LRP1B: variants seen among roughly 807,000 people sequenced by gnomAD.
LRP1B encodes LDL receptor related protein 1B.
In LRP1B, 217 loss-of-function variants were observed where a neutral mutation model predicts 556.6. The ratio of observed to expected loss-of-function variants is 0.39; its 90% CI spans 0.35 to 0.44. The LOEUF (loss-of-function observed/expected upper bound fraction) is 0.44, where lower values mean the gene tolerates loss of function less well. LRP1B is among the 20% of genes least tolerant of loss of function. LRP1B has a pLI of 1.00. For synonymous variants in LRP1B, 2,047 were observed against 1,865.8 expected (o/e 1.10, Z -2.50); for missense variants, 5,053 against 5,620.8 (o/e 0.90, Z 3.23).
Position 140,571,197 on chromosome 2 carries a change from A to T in LRP1B, c.7194+27434T>A, listed in dbSNP as rs185808308. The stretch of plus-strand genomic sequence containing the variant: ...AACAGAAAGAAATAAAAGGCATCAA[A>T]ATTGGAAACGGGAATGTCAGAGTGT... On this transcript the variant is annotated intron_variant, in intron 43 of 90. Transcript: ENST00000389484. 2.9e-3 allele frequency among the ~76,000 whole-genome samples: 443 copies of T among 151,936 alleles called. 3 individuals are homozygous for T. The highest frequency in any genetic ancestry group is 6.8e-3 in the Middle Eastern group (2 of 294).
At chr2:140,634,675 T>C (rs1413298387) in intron 41 of LRP1B, among the ~76,000 whole-genome samples, 1 of 152,052 alleles carries the variant, frequency 6.6e-6, no homozygotes, top group Non-Finnish European at 1.5e-5. Context: ...AAATGGCACT[T>C]CCTCTCAATT....
chr2:141,756,577 A>ACC (rs1003515541), intron 2 of LRP1B, among the ~76,000 whole-genome samples: 1 of 141,916 alleles, frequency 7.0e-6, no homozygotes, highest in African/African-American at 2.5e-5. Context: ...ACACACACAC[A>ACC]CACACAATCT....
At chr2:141,609,256 C>G (rs142297497) in intron 2 of LRP1B, among the ~76,000 whole-genome samples, 2 of 152,116 alleles carry the variant, frequency 1.3e-5, no homozygotes, top group Admixed American at 1.3e-4. Flanking sequence ...AACACTATTA[C>G]GTAGTGTTTC....
chr2:141,757,469 G>A (rs1694364358), intron 2 of LRP1B, among the ~76,000 whole-genome samples: 1 of 152,042 alleles, frequency 6.6e-6, no homozygotes, highest in Admixed American at 6.5e-5. Flanking sequence ...CAAAATGAGA[G>A]GAAGAAATAA....
chr2:141,305,805 T>C (rs148485242), intron 3 of LRP1B, among the ~76,000 whole-genome samples: 2 of 152,310 alleles, frequency 1.3e-5, no homozygotes, highest in East Asian at 3.9e-4. Context: ...TGAAGAAATC[T>C]TGAATTTTAT....
intron 32 of LRP1B, among the ~76,000 whole-genome samples, chr2:140,813,367 G>A (rs937750354): frequency 1.3e-5 from 2 of 152,120 alleles, no homozygotes; most frequent in African/African-American, 4.8e-5. Context: ...TTAGAGGACT[G>A]GAGTAGAACA....
chr2:141,847,292 A>G (rs1697687277), intron 1 of LRP1B, among the ~76,000 whole-genome samples: 1 of 151,458 alleles, frequency 6.6e-6, no homozygotes, highest in African/African-American at 2.4e-5. Context: ...AATGAACTTA[A>G]AAGAAGTGCT....
rs573601397 is a variant in LRP1B, at chr2:141,942,929, G to A, written c.83-132528C>T. Among the ~76,000 whole-genome samples, 3 of 152,308 alleles carry A rather than the reference G, an allele frequency of 2.0e-5. No homozygotes were observed. In the South Asian group the frequency reaches 6.2e-4, roughly 32 times the overall value. ...GGTTTTTGGTATTGTTCTACTGAAAGATGTCTTAGAATTGCTCTTTAACCA... is the reference window on the plus strand; with the variant it reads ...GGTTTTTGGTATTGTTCTACTGAAAAATGTCTTAGAATTGCTCTTTAACCA... On this transcript the variant is annotated intron_variant, in intron 1 of 90. Transcript: ENST00000389484.
chr2:141,218,447 T>A lies in LRP1B; in HGVS notation c.850+10736A>T, dbSNP rs1237570880. Among the ~76,000 whole-genome samples, 3 of 152,186 alleles carry A rather than the reference T, an allele frequency of 2.0e-5. No homozygotes were observed. The East Asian group carries it at 5.8e-4, about 29-fold the overall frequency. ...GGTATGTATACCCAATAGAACACTATGTAGCCATAAAAGGATGAAATCATG... is the reference window on the plus strand; with the variant it reads ...GGTATGTATACCCAATAGAACACTAAGTAGCCATAAAAGGATGAAATCATG... On this transcript the variant is annotated intron_variant, in intron 6 of 90. Transcript: ENST00000389484.
At chr2:141,238,006 A>G (rs1683721864) in intron 5 of LRP1B, among the ~76,000 whole-genome samples, 1 of 152,192 alleles carries the variant, frequency 6.6e-6, no homozygotes, top group South Asian at 2.1e-4. Flanking sequence ...TTCAATAAGT[A>G]CAATGAAATA....
At chr2:140,831,161 C>G (rs923123453) in intron 31 of LRP1B, among the ~76,000 whole-genome samples, 2 of 151,974 alleles carry the variant, frequency 1.3e-5, no homozygotes, top group African/African-American at 4.8e-5. Flanking sequence ...TATGCAATCT[C>G]TATCAAGAAA....
At chr2:141,912,132 C>A (rs971917519) in intron 1 of LRP1B, among the ~76,000 whole-genome samples, 1 of 152,256 alleles carries the variant, frequency 6.6e-6, no homozygotes, top group Admixed American at 6.5e-5. Flanking sequence ...TCACATATGG[C>A]AGAGTTTTAT....
intron 12 of LRP1B, among the ~76,000 whole-genome samples, chr2:141,016,428 G>T (rs1457081401): frequency 6.6e-6 from 1 of 151,902 alleles, no homozygotes; most frequent in Non-Finnish European, 1.5e-5. Context: ...TGTTCTAAAG[G>T]GCACTGTCAT....
At chr2:141,421,426 G>A (rs1199261640) in intron 3 of LRP1B, among the ~76,000 whole-genome samples, 1 of 150,512 alleles carries the variant, frequency 6.6e-6, no homozygotes, top group Non-Finnish European at 1.5e-5. Context: ...CTACTTGGGA[G>A]GCTGAGGCAG....
chr2:141,794,845 A>T (rs1695748674), intron 2 of LRP1B, among the ~76,000 whole-genome samples: 1 of 152,082 alleles, frequency 6.6e-6, no homozygotes, highest in African/African-American at 2.4e-5. Flanking sequence ...ATGTCATCAG[A>T]TTGTTTTTAA....
At chr2:141,939,155 A>C (rs577268167) in intron 1 of LRP1B, among the ~76,000 whole-genome samples, 8,867 of 152,060 alleles carry the variant, frequency 0.058, 851 homozygotes, top group African/African-American at 0.2. Flanking sequence ...ACAAAAAAAA[A>C]CTATGTGAGG....
chr2:141,962,118 C>T (rs1439388548), intron 1 of LRP1B, among the ~76,000 whole-genome samples: 1 of 151,668 alleles, frequency 6.6e-6, no homozygotes, highest in South Asian at 2.1e-4. Context: ...ATGACAATTT[C>T]ATATGGTTCA....
chr2:140,442,578 T>G lies in LRP1B; in HGVS notation c.10340A>C (p.Lys3447Thr). ...AACCCACAGCTTGGAAATGCAATGC[T>G]TCGTAGTCTTACACTGGAAATAGTC... ...SPDYFQCKTTKHCISKLWVCD... is the reference protein window; with the variant it reads ...SPDYFQCKTTTHCISKLWVCD... The change falls in exon 66 of 91, where the codon AAG (lysine) becomes ACG (threonine). Residue 3447 changes from lysine to threonine, a missense_variant. By Grantham distance (78) the Lys-to-Thr change is moderately conservative (BLOSUM62 -1). Coordinates refer to ENST00000389484, the MANE Select transcript of LRP1B (RefSeq NM_018557.3). 6.2e-7 allele frequency: 1 copy of G among 1,614,018 alleles called. No homozygotes were observed. The highest frequency in any genetic ancestry group is 1.1e-5 in the South Asian group (1 of 91,076).
chr2:140,744,028 T>C (rs1406993283), intron 35 of LRP1B, among the ~76,000 whole-genome samples: 1 of 126,400 alleles, frequency 7.9e-6, no homozygotes, highest in Non-Finnish European at 1.7e-5. Context: ...ACTAAAACAG[T>C]GGTTATCAGT....
Sources: gnomAD v4.1 joint callset for allele counts (sites outside exome capture counted in the v4.1 genomes callset) on GRCh38, gnomAD v4.1.1 for gene constraint, MANE v1.5 for transcripts, NCBI Gene and HGNC (gene_info 2026-07-23, HGNC 2026-07-21) for gene names.